Variants in ITGB3BP observed in about 807,000 individuals in gnomAD.
ITGB3BP encodes the protein centromere protein R.
ITGB3BP carries 27 observed loss-of-function variants against 29.1 expected under a neutral mutation model. The observed-to-expected ratio is 0.93, with a 90% confidence interval of 0.68 to 1.28. The LOEUF (loss-of-function observed/expected upper bound fraction) is 1.28. Among genes scored for constraint, ITGB3BP ranks in the 50% most tolerant of loss-of-function variants. The pLI is 0.00. For synonymous variants in ITGB3BP, 61 were observed against 61.4 expected (o/e 0.99, Z 0.03); for missense variants, 192 against 200.2 (o/e 0.96, Z 0.25).
chr1:63,495,242 TAAAG>T (rs1645758645), intron 2 of ITGB3BP, among the ~76,000 whole-genome samples: 1 of 152,236 alleles, frequency 6.6e-6, no homozygotes, highest in Non-Finnish European at 1.5e-5. Context: ...TACCATTTAT[TAAAG>T]ACTTTCTTTT....
At chr1:63,486,577 TG>T (rs1267135038) in intron 3 of ITGB3BP, among the ~76,000 whole-genome samples, 6 of 152,070 alleles carry the variant, frequency 3.9e-5, no homozygotes, top group Non-Finnish European at 8.8e-5. Context: ...ACCATAAGCT[TG>T]TCATCTGTTT....
intron 4 of ITGB3BP, among the ~76,000 whole-genome samples, chr1:63,472,999 T>C (rs1388441124): frequency 6.6e-6 from 1 of 150,392 alleles, no homozygotes; most frequent in Admixed American, 6.6e-5. Flanking sequence ...GGAGCGTCTC[T>C]GCCCAGCCGC....
chr1:63,484,578 T>A (rs1645494436), intron 3 of ITGB3BP, among the ~76,000 whole-genome samples: 1 of 152,158 alleles, frequency 6.6e-6, no homozygotes, highest in Admixed American at 6.5e-5. Flanking sequence ...TCATTATTGA[T>A]TCCTAATTGT....
At chr1:63,472,673 T>C (rs1249399767) in intron 4 of ITGB3BP, among the ~76,000 whole-genome samples, 1 of 151,368 alleles carries the variant, frequency 6.6e-6, no homozygotes, top group African/African-American at 2.4e-5. Context: ...GACGGGGTTT[T>C]GCTGTGTTGG....
chr1:63,458,819 A>G (rs1450209975), intron 4 of ITGB3BP, among the ~76,000 whole-genome samples: 2 of 152,198 alleles, frequency 1.3e-5, no homozygotes, highest in Non-Finnish European at 2.9e-5. Context: ...TGATGGATCA[A>G]TGAACAGAAT....
rs1347516748 is a variant in ITGB3BP at position 63,469,823 on chromosome 1, GTAAACTGGCCC to G, written c.254+8930_254+8940del. On this transcript the variant is annotated intron_variant, in intron 4 of 8. Transcript: ENST00000271002. ...GGAACAAGCCCCCCAAAATCTGGCC[GTAAACTGGCCC>G]TAAACTGGCCATAAACAAAATCTCT... is the stretch of plus-strand genomic sequence containing the variant. Among the ~76,000 whole-genome samples, 8 of 152,186 alleles carry G rather than the reference GTAAACTGGCCC, an allele frequency of 5.3e-5. 1 individual carries two copies. The East Asian group carries it at 1.2e-3, about 22-fold the overall frequency.
chr1:63,455,286 A>C (rs911472497), intron 4 of ITGB3BP, among the ~76,000 whole-genome samples: 1 of 152,184 alleles, frequency 6.6e-6, no homozygotes, highest in Non-Finnish European at 1.5e-5. Context: ...TTTAAAATAA[A>C]AAAAGTTTTA....
At chr1:63,447,435 G>C (rs1342423308) in intron 7 of ITGB3BP, 8 of 386,350 alleles carry the variant, frequency 2.1e-5, no homozygotes, top group Non-Finnish European at 3.5e-5. Context: ...AAGACTTTTT[G>C]TTTGTCTGCC....
rs116319191 is a variant in ITGB3BP at position 63,507,183 on chromosome 1, C to T, written c.48+1345G>A. Among the ~76,000 whole-genome samples, 676 of 152,272 alleles carry T rather than the reference C, an allele frequency of 4.4e-3. 5 individuals are homozygous for T. Among genetic ancestry groups the T allele is most frequent in the African/African-American group, 0.015 (621 of 41,570 alleles). The stretch of plus-strand genomic sequence containing the variant: ...AAGCTAGTATGCTAGGAACCTCCTT[C>T]GGGCAGATGTGGTCATGTAGTACCA... On this transcript the variant is annotated intron_variant, in intron 2 of 8. Transcript: ENST00000271002.
At chr1:63,452,639 T>TC (rs1644877600) in intron 7 of ITGB3BP, among the ~76,000 whole-genome samples, 2 of 127,806 alleles carry the variant, frequency 1.6e-5, no homozygotes, top group Admixed American at 7.5e-5. Context: ...CTTTCTTTTT[T>TC]TTTTTTTTAA....
At chr1:63,523,326 G>C (rs992744600), upstream of ITGB3BP, 8 of 707,252 alleles carry the variant, frequency 1.1e-5, no homozygotes, top group Non-Finnish European at 1.2e-5. Flanking sequence ...AGGAGCGAGC[G>C]GGGAGTTCTA....
At chr1:63,487,780 C>T (rs1411143785) in intron 3 of ITGB3BP, among the ~76,000 whole-genome samples, 1 of 152,110 alleles carries the variant, frequency 6.6e-6, no homozygotes, top group South Asian at 2.1e-4. Context: ...TCATGTACTA[C>T]ATATAATTGT....
chr1:63,473,010 C>T (rs1156482601), intron 4 of ITGB3BP, among the ~76,000 whole-genome samples: 2 of 151,566 alleles, frequency 1.3e-5, no homozygotes, highest in Non-Finnish European at 2.9e-5. Flanking sequence ...GCCCAGCCGC[C>T]ATCCCATCTA....
At chr1:63,528,997 T>G (rs956371395) in intron 2 of ITGB3BP, 1 of 152,170 alleles carries the variant, frequency 6.6e-6, no homozygotes, top group Non-Finnish European at 1.5e-5. Context: ...TACATCTACT[T>G]GTATTCCCAG....
intron 2 of ITGB3BP, among the ~76,000 whole-genome samples, chr1:63,502,921 C>T (rs1439072905): frequency 6.6e-6 from 1 of 152,106 alleles, no homozygotes; most frequent in Non-Finnish European, 1.5e-5. Flanking sequence ...CGTTGTTGGA[C>T]ATTTGGCTTG....
At chr1:63,522,862 G>C in intron 1 of ITGB3BP, 1 of 629,460 alleles carries the variant, frequency 1.6e-6, no homozygotes, top group African/African-American at 1.8e-5. Context: ...GTTATTTCAA[G>C]TTAGACATCA....
intron 1 of ITGB3BP, among the ~76,000 whole-genome samples, chr1:63,521,337 TTAAC>T (rs1193291693): frequency 6.6e-6 from 1 of 152,148 alleles, no homozygotes; most frequent in Non-Finnish European, 1.5e-5. Context: ...TATGCATTAC[TTAAC>T]TGTTGATTTA....
At chr1:63,503,909 A>ATTTC (rs1557648465) in intron 2 of ITGB3BP, among the ~76,000 whole-genome samples, 1 of 152,004 alleles carries the variant, frequency 6.6e-6, no homozygotes, top group African/African-American at 2.4e-5. Context: ...TGTTTTGGTT[A>ATTTC]CTGTAGCCTT....
At chr1:63,442,761 A>C (rs2100459467) in intron 8 of ITGB3BP, 1 of 152,166 alleles carries the variant, frequency 6.6e-6, no homozygotes, top group East Asian at 1.9e-4. Flanking sequence ...GAAGAGTCTG[A>C]ACTTGTATCA....
Sources: allele counts gnomAD v4.1 joint callset (sites outside exome capture counted in the v4.1 genomes callset), GRCh38; gene constraint gnomAD v4.1.1; transcripts MANE v1.5; gene names NCBI Gene and HGNC (gene_info 2026-07-23, HGNC 2026-07-21).